ARL2BP: variants seen among roughly 807,000 people sequenced by gnomAD.
ARL2BP encodes the protein ARF like GTPase 2 binding protein, also known as ADP-ribosylation factor-like protein 2-binding protein.
A neutral mutation model predicts 24.2 loss-of-function variants in ARL2BP; 19 were observed. That is an observed-to-expected ratio of 0.79 (90% CI 0.55 to 1.15). The LOEUF (loss-of-function observed/expected upper bound fraction) is 1.15, where lower values mean the gene tolerates loss of function less well. Ranked by LOEUF, ARL2BP falls within the 50% of genes most tolerant of loss-of-function variation. ARL2BP has a pLI of 0.00. For synonymous variants in ARL2BP, 56 were observed against 70.5 expected, an observed-to-expected ratio of 0.79 and a Z score of 1.03; for missense variants, 160 against 190.4, an observed-to-expected ratio of 0.84 and a Z score of 0.94.
At chr16:57,245,981 T>C in intron 1 of ARL2BP, 99 bp from the exon 2 acceptor site, 5 of 1,175,132 alleles carry the variant, frequency 4.3e-6, no homozygotes, top group East Asian at 2.3e-5. Flanking sequence ...TTCGTTTTGC[T>C]ACTCTTTTTT....
chr16:57,245,373 C>G lies in ARL2BP; in HGVS notation c.6C>G (p.Asp2Glu), dbSNP rs372559396. MDALEGESFALS... is the reference protein window; with the variant it reads MEALEGESFALS... ...GCCTACTCGGGGCGACTGCGATGGA[C>G]GCCTTAGAAGGAGAGAGCTTTGCGC... Residue 2 changes from aspartate (D) to glutamate (E), a missense_variant, in exon 1 of 6, where the codon GAC (aspartate) becomes GAG (glutamate). Asp to Glu is a conservative substitution (Grantham distance 45). Transcript: ENST00000219204. 9 of 1,607,012 alleles carry G rather than the reference C, an allele frequency of 5.6e-6. No individual in the cohort carries two copies. In the African/African-American group the frequency reaches 1.2e-4, roughly 21 times the overall value.
intron 5 of ARL2BP, 186 bp from the exon 6 acceptor site, chr16:57,251,980 A>T (rs1157040368): frequency 4.5e-5 from 25 of 550,336 alleles, no homozygotes; most frequent in Middle Eastern, 4.9e-4. Context: ...AAATAATATT[A>T]AAAAAAATTA....
At chr16:57,248,444 A>T in intron 2 of ARL2BP, 93 bp from the exon 3 acceptor site, 1 of 680,466 alleles carries the variant, frequency 1.5e-6, no homozygotes, top group Non-Finnish European at 2.5e-6. Flanking sequence ...TCATTGAGAA[A>T]GCAGTACTGC....
Position 57,248,602 on chromosome 16 carries a change from G to C in ARL2BP, c.166G>C (p.Glu56Gln), listed in dbSNP as rs1320058661. The part of the protein sequence containing the change: ...DKYYLEFEDT[E>Q]ENKLIYTPIF... ...GTACTACCTGGAGTTTGAAGACACA[G>C]AAGAGAATAAACTCATCTACACACC... The change falls in exon 3 of 6, where the codon GAA becomes CAA. Residue 56 changes from glutamate (E) to glutamine (Q), a missense_variant. By Grantham distance (29) the Glu-to-Gln change is conservative. Coordinates refer to ENST00000219204, the MANE Select transcript of ARL2BP (RefSeq NM_012106.4). 1 of 1,602,982 alleles carries C rather than the reference G, an allele frequency of 6.2e-7. No homozygotes were observed. The highest frequency in any genetic ancestry group is 1.7e-4 in the Middle Eastern group (1 of 5,954).
intron 1 of ARL2BP, 111 bp downstream of exon 1, chr16:57,245,516 C>T: frequency 7.0e-7 from 1 of 1,430,170 alleles, no homozygotes; most frequent in Non-Finnish European, 9.6e-7. Flanking sequence ...CGGGCCGGGC[C>T]GGGCAGGGTG....
In ARL2BP at chr16:57,252,144, C is replaced by G. The variant is rs143203977; in HGVS notation, c.391-22C>G. ...AAGCCAGGGCTCTTTCTAGTCCTTC[C>G]TTTGGTTGTTTTCTCATATAGGAAA... On this transcript the variant is annotated intron_variant, in intron 5 of 5. Coordinates refer to ENST00000219204, the MANE Select transcript of ARL2BP (RefSeq NM_012106.4). 2.3e-4 allele frequency: 373 copies of G among 1,611,000 alleles called. 1 individual carries two copies. In the African/African-American group the frequency reaches 4.7e-3, roughly 20 times the overall value.
At chr16:57,248,311 C>CAAAAAAAAAAAAAAAAAAAAAAA (rs1161528446) in intron 2 of ARL2BP, 5 of 49,266 alleles carry the variant, frequency 1.0e-4, no homozygotes, top group East Asian at 3.1e-4. Flanking sequence ...AACTCCAGCT[C>CAAAAAAAAAAAAAAAAAAAAAAA]AAAAAAAAAA....
intron 1 of ARL2BP, 164 bp from the exon 2 acceptor site, chr16:57,245,916 T>A: frequency 1.5e-6 from 1 of 674,192 alleles, no homozygotes; most frequent in East Asian, 2.6e-5. Context: ...TTCTTCTGTT[T>A]GGACTTACTA....
At chr16:57,245,520 CAGGGTG>C in intron 1 of ARL2BP, 115 bp downstream of exon 1, 2 of 1,410,060 alleles carry the variant, frequency 1.4e-6, no homozygotes, top group Non-Finnish European at 1.9e-6. Flanking sequence ...CCGGGCCGGG[CAGGGTG>C]GGGGCCGCCA....
Position 57,246,156 on chromosome 16 carries a change from T to C in ARL2BP, c.100+15T>C, listed in dbSNP as rs1251285505. On this transcript the variant is annotated intron_variant, in intron 2 of 5. Coordinates refer to ENST00000219204, the MANE Select transcript of ARL2BP (RefSeq NM_012106.4). ...CATTATCATGGGTAAGCTTTTAAGATACTGTTTTTAAGGACTTGCTTGTTT... is the reference window on the plus strand; with the variant it reads ...CATTATCATGGGTAAGCTTTTAAGACACTGTTTTTAAGGACTTGCTTGTTT... 6.2e-7 allele frequency: 1 copy of C among 1,609,940 alleles called. No homozygotes were observed. Among genetic ancestry groups the C allele is most frequent in the South Asian group, 1.1e-5 (1 of 90,420 alleles).
intron 2 of ARL2BP, among the ~76,000 whole-genome samples, chr16:57,246,590 C>T (rs1322063803): frequency 1.3e-5 from 2 of 152,074 alleles, no homozygotes; most frequent in Non-Finnish European, 2.9e-5. Flanking sequence ...ATCACGAGGT[C>T]AGGAGATCAA....
intron 3 of ARL2BP, chr16:57,249,511 C>T (rs2075400851): frequency 4.0e-6 from 2 of 501,688 alleles, no homozygotes; most frequent in South Asian, 4.3e-5. Flanking sequence ...TACCGTGCTA[C>T]TCACTGTCTC....
At chr16:57,251,601 A>AG (rs2075408173) in intron 5 of ARL2BP, 1 of 151,654 alleles carries the variant, frequency 6.6e-6, no homozygotes. Flanking sequence ...AAAAAAAAAA[A>AG]AAAAGAAAGA....
Position 57,252,263 on chromosome 16 carries a change from A to C in ARL2BP, c.488A>C (p.His163Pro). The change falls in exon 6 of 6, where the codon CAC becomes CCC. Residue 163 changes from histidine to proline, a missense_variant. His to Pro is a moderately conservative substitution (Grantham distance 77). Transcript: ENST00000219204. Reference sequence around the variant, plus strand: ...CCAGCTTCCCAGAACAATCTGCGGCACTAGGTCCTACCTCCAGCCAATGAA... The same window carrying C: ...CCAGCTTCCCAGAACAATCTGCGGCCCTAGGTCCTACCTCCAGCCAATGAA... The part of the protein sequence containing the change: ...SLPASQNNLR[H>P] The C allele has an allele frequency of 6.2e-7, 1 of 1,614,230 alleles. No homozygotes were observed. Among genetic ancestry groups the C allele is most frequent in the Non-Finnish European group, 8.5e-7 (1 of 1,180,020 alleles).
intron 2 of ARL2BP, chr16:57,247,365 A>G (rs1423996534): frequency 6.6e-6 from 1 of 152,166 alleles, no homozygotes; most frequent in Admixed American, 6.5e-5. Context: ...TTTTATTTTT[A>G]GAAATAATCT....
Position 57,246,105 on chromosome 16 carries a change from G to C in ARL2BP, c.64G>C (p.Asp22His). The C allele has an allele frequency of 6.2e-7, 1 of 1,614,162 alleles. No individual in the cohort carries two copies. The highest frequency in any genetic ancestry group is 8.5e-7 in the Non-Finnish European group (1 of 1,180,032). The change falls in exon 2 of 6, where the codon GAT becomes CAT. Residue 22 changes from aspartate (D) to histidine (H), a missense_variant. By Grantham distance (81) the Asp-to-His change is moderately conservative. Transcript: ENST00000219204. ...SFSSASDAEF[D>H]AVVGYLEDII... Reference sequence around the variant, plus strand: ...CTCCTCCGCCTCTGATGCAGAATTTGATGCTGTGGTTGGATATTTAGAGGA... The same window carrying C: ...CTCCTCCGCCTCTGATGCAGAATTTCATGCTGTGGTTGGATATTTAGAGGA...
chr16:57,245,621 G>A (rs1227485171), intron 1 of ARL2BP, among the ~76,000 whole-genome samples: 3 of 152,088 alleles, frequency 2.0e-5, no homozygotes, highest in Admixed American at 6.5e-5. Flanking sequence ...GTGCGAGGCG[G>A]GTGTCACCGT....
chr16:57,245,507 G>C, intron 1 of ARL2BP, 102 bp downstream of exon 1: 1 of 1,471,386 alleles, frequency 6.8e-7, no homozygotes, highest in South Asian at 1.2e-5. Context: ...GGGCCGGGCC[G>C]GGCCGGGCCG....
intron 3 of ARL2BP, among the ~76,000 whole-genome samples, chr16:57,248,866 A>G (rs59691003): frequency 0.092 from 14,051 of 152,168 alleles, 801 homozygotes; most frequent in East Asian, 0.23. Flanking sequence ...TCAGCTTCTT[A>G]TTTAAAAGAA....
Sources: gnomAD v4.1 joint callset for allele counts (sites outside exome capture counted in the v4.1 genomes callset) on GRCh38, gnomAD v4.1.1 for gene constraint, MANE v1.5 for transcripts, NCBI Gene and HGNC (gene_info 2026-07-23, HGNC 2026-07-21) for gene names.